The following PLXNA2 variants were observed in gnomAD, a reference collection of about 807,000 sequenced individuals.
PLXNA2 encodes the protein plexin-A2.
A neutral mutation model predicts 193.5 loss-of-function variants in PLXNA2; 91 were observed. That is an observed-to-expected ratio of 0.47 (90% CI 0.40 to 0.56). The LOEUF is 0.56. Ranked by LOEUF, PLXNA2 falls within the 20% of genes least tolerant of loss-of-function variation. PLXNA2 has a pLI of 0.00. For missense variants in PLXNA2, 1,995 were observed against 2,503.2 expected, an observed-to-expected ratio of 0.80 and a Z score of 4.33; for synonymous variants, 997 against 1,027.3, an observed-to-expected ratio of 0.97 and a Z score of 0.56.
At chr1:208,059,871 C>G (rs1339210137) in intron 13 of PLXNA2, among the ~76,000 whole-genome samples, 1 of 152,080 alleles carries the variant, frequency 6.6e-6, no homozygotes, top group Non-Finnish European at 1.5e-5. Context: ...TGGGGGGGAT[C>G]AGAGGAAACA....
intron 3 of PLXNA2, among the ~76,000 whole-genome samples, chr1:208,194,782 G>T (rs1401444425): frequency 1.3e-5 from 2 of 152,144 alleles, no homozygotes; most frequent in African/African-American, 4.8e-5. Flanking sequence ...GCTGTTTCGT[G>T]TGTGTAGGAA....
In PLXNA2 at chr1:208,028,703, G is replaced by C; in HGVS notation, c.5438+127C>G. On this transcript the variant is annotated intron_variant, in intron 30 of 31. Transcript: ENST00000367033. The surrounding 1 kb of genome is among the most constrained non-coding windows in gnomAD (Gnocchi z 4.2). Reference sequence around the variant, plus strand: ...CCTCCCGCAGCAGGGGGTGTGGCAGGGAGGGGAGTGGGAGGTCCTGAAGAG... The same window carrying C: ...CCTCCCGCAGCAGGGGGTGTGGCAGCGAGGGGAGTGGGAGGTCCTGAAGAG... 1 of 794,580 alleles carries C rather than the reference G, an allele frequency of 1.3e-6. No homozygotes were observed. The highest frequency in any genetic ancestry group is 2.8e-5 in the Admixed American group (1 of 35,810). 49.2% of individuals were successfully genotyped at this position (794,580 alleles called of 1,614,324 possible). A position where few individuals can be genotyped will look rare whatever the true frequency, so the allele number is the denominator to read the frequency against.
chr1:208,032,005 C>T (rs2102301076), intron 28 of PLXNA2: 1 of 985,302 alleles, frequency 1.0e-6, no homozygotes, highest in East Asian at 1.1e-4. Context: ...ACATTCCACA[C>T]AGGGTGTAGG....
intron 13 of PLXNA2, 149 bp downstream of exon 13, chr1:208,060,537 G>A: frequency 1.5e-6 from 1 of 683,794 alleles, no homozygotes; most frequent in Non-Finnish European, 2.4e-6. Context: ...AGGGAGGAGG[G>A]GGCCCTGGGG....
chr1:208,058,009 G>A (rs1665493747), intron 13 of PLXNA2, among the ~76,000 whole-genome samples: 1 of 152,168 alleles, frequency 6.6e-6, no homozygotes, highest in African/African-American at 2.4e-5. Context: ...ATCCACAGCT[G>A]AGCTAAGGCT....
chr1:208,073,426 A>G (rs1201177238), intron 12 of PLXNA2, among the ~76,000 whole-genome samples: 1 of 152,202 alleles, frequency 6.6e-6, no homozygotes, highest in African/African-American at 2.4e-5. Context: ...CTGGGGCTAC[A>G]TTGGAAGAGG....
chr1:208,116,069 T>C (rs1253432249), intron 4 of PLXNA2, among the ~76,000 whole-genome samples: 1 of 152,200 alleles, frequency 6.6e-6, no homozygotes, highest in African/African-American at 2.4e-5. Context: ...CAGGCTGGCC[T>C]CCTCTCTTGC....
chr1:208,084,560 G>A lies in PLXNA2; in HGVS notation c.2118C>T (p.Pro706=). 6.2e-7 allele frequency: 1 copy of A among 1,614,206 alleles called. No homozygotes were observed. Among genetic ancestry groups the A allele is most frequent in the Non-Finnish European group, 8.5e-7 (1 of 1,180,030 alleles). Residue 706 remains proline, a synonymous_variant, in exon 10 of 32, where the codon CCC becomes CCT. Coordinates refer to ENST00000367033, the MANE Select transcript of PLXNA2 (RefSeq NM_025179.4). Reference sequence around the variant, plus strand: ...CGACTGGAATCAAGATCTCCTCTGTGGGCACCAGCTGGGGACAGTCCTGGG... The same window carrying A: ...CGACTGGAATCAAGATCTCCTCTGTAGGCACCAGCTGGGGACAGTCCTGGG... ...NISEDCPQLV[P]TEEILIPVGE...
rs182564718 is a variant in PLXNA2, at chr1:208,203,926, T to A, written c.1371+6354A>T. 2.0e-5 allele frequency among the ~76,000 whole-genome samples: 3 copies of A among 152,360 alleles called. No homozygotes were observed. In the East Asian group the frequency reaches 5.8e-4, roughly 29 times the overall value. Reference sequence around the variant, plus strand: ...AGAGTTAATACTTTGGTGCTCCTGATGGATTCTTTCCAATGCCTAAGCTGC... The same window carrying A: ...AGAGTTAATACTTTGGTGCTCCTGAAGGATTCTTTCCAATGCCTAAGCTGC... On this transcript the variant is annotated intron_variant, in intron 3 of 31. Coordinates refer to ENST00000367033, the MANE Select transcript of PLXNA2 (RefSeq NM_025179.4).
chr1:208,190,727 T>A (rs1432367090), intron 3 of PLXNA2, among the ~76,000 whole-genome samples: 2 of 152,248 alleles, frequency 1.3e-5, no homozygotes, highest in African/African-American at 2.4e-5. Flanking sequence ...CACCTCCAGT[T>A]GGAAACCACT....
intron 28 of PLXNA2, chr1:208,032,212 A>G (rs1370164003): frequency 1.2e-6 from 1 of 863,466 alleles, no homozygotes; most frequent in African/African-American, 1.8e-5. Context: ...GATGTTAGTG[A>G]CCTGAGACAA....
intron 4 of PLXNA2, among the ~76,000 whole-genome samples, chr1:208,124,551 C>G (rs945095000): frequency 6.6e-6 from 1 of 151,726 alleles, no homozygotes; most frequent in Non-Finnish European, 1.5e-5. Flanking sequence ...TGGTGGCGGG[C>G]GCCTGTAATC....
chr1:208,100,452 T>G (rs1667059133), intron 5 of PLXNA2, among the ~76,000 whole-genome samples: 1 of 152,136 alleles, frequency 6.6e-6, no homozygotes, highest in African/African-American at 2.4e-5. Flanking sequence ...GCCTGGCGCA[T>G]AGTAGGTGCC....
intron 4 of PLXNA2, among the ~76,000 whole-genome samples, chr1:208,134,999 G>A (rs1481446536): frequency 1.3e-5 from 2 of 152,168 alleles, no homozygotes; most frequent in Admixed American, 6.5e-5. Flanking sequence ...CTAGATCCGG[G>A]TTAGTAGTTG....
At chr1:208,116,535 C>T (rs1667644085) in intron 4 of PLXNA2, among the ~76,000 whole-genome samples, 1 of 152,148 alleles carries the variant, frequency 6.6e-6, no homozygotes, top group East Asian at 1.9e-4. Flanking sequence ...GACTTGAGGG[C>T]TTTTAAAATT....
Position 208,028,114 on chromosome 1 carries a change from G to A in PLXNA2, c.5484C>T (p.Asp1828=). The A allele has an allele frequency of 6.2e-7, 1 of 1,613,608 alleles. No individual in the cohort carries two copies. The highest frequency in any genetic ancestry group is 8.5e-7 in the Non-Finnish European group (1 of 1,179,770). ...IAKLPAISDQ[D]MNAYLAEQSR... ...ACTGCTCGGCGAGGTAGGCATTCAT[G>A]TCCTGGTCACTGATGGCTGGGAGCT... The change falls in exon 31 of 32, where the codon GAC becomes GAT. Residue 1828 remains aspartate (D), a synonymous_variant. Transcript: ENST00000367033. The surrounding 1 kb of genome is among the most constrained non-coding windows in gnomAD (Gnocchi z 4.2).
intron 2 of PLXNA2, among the ~76,000 whole-genome samples, chr1:208,216,523 A>G (rs995705154): frequency 1.1e-4 from 16 of 152,352 alleles, no homozygotes; most frequent in African/African-American, 3.8e-4. Context: ...CAATACATAT[A>G]TTTGAAATGA....
chr1:208,087,283 A>T (rs1044465483), intron 9 of PLXNA2, among the ~76,000 whole-genome samples: 2 of 152,114 alleles, frequency 1.3e-5, no homozygotes, highest in Non-Finnish European at 2.9e-5. Flanking sequence ...TATATAACAC[A>T]TATGTTATCT....
At chr1:208,197,621 A>C (rs537385315) in intron 3 of PLXNA2, among the ~76,000 whole-genome samples, 2 of 152,314 alleles carry the variant, frequency 1.3e-5, no homozygotes, top group African/African-American at 4.8e-5. Flanking sequence ...TGGGCCCATC[A>C]GTAGGAGTTT....
Sources: allele counts gnomAD v4.1 joint callset (sites outside exome capture counted in the v4.1 genomes callset), GRCh38; gene constraint gnomAD v4.1.1; non-coding constraint Gnocchi (gnomAD v3.1); transcripts MANE v1.5; gene names NCBI Gene and HGNC (gene_info 2026-07-23, HGNC 2026-07-21).